The following EPB42 variants were observed in gnomAD, a reference collection of about 807,000 sequenced individuals.
EPB42 encodes erythrocyte membrane protein band 4.2, also known as protein 4.2.
EPB42 carries 49 observed loss-of-function variants against 76.9 expected under a neutral mutation model. The ratio of observed to expected loss-of-function variants is 0.64; its 90% CI spans 0.51 to 0.81. The LOEUF (loss-of-function observed/expected upper bound fraction) is 0.81. Among genes scored for constraint, EPB42 ranks in the 30% least tolerant of loss-of-function variants. The pLI is 0.00. For synonymous variants in EPB42, 310 were observed against 338.4 expected (o/e 0.92, Z 0.92); for missense variants, 731 against 867.6 (o/e 0.84, Z 1.98).
At position 43,203,025 on chromosome 15, in the gene EPB42, T is replaced by C. The variant is rs142973198; in HGVS notation, c.1779+90A>G. The C allele has an allele frequency of 9.1e-4, 1,362 of 1,491,812 alleles. 15 individuals are homozygous for C. The African/African-American group carries it at 0.016, about 17-fold the overall frequency. 92.4% of individuals were successfully genotyped at this position (1,491,812 alleles called of 1,614,324 possible). A position where few individuals can be genotyped will look rare whatever the true frequency, so the allele number is the denominator to read the frequency against. On this transcript the variant is annotated intron_variant, in intron 11 of 12. Coordinates refer to ENST00000441366, the MANE Select transcript of EPB42 (RefSeq NM_001114134.2). ...ATTTTCTGGTAATCTTGCAGCACAG[T>C]CATCTGCTCTGAAGGGGCCTGGATT...
chr15:43,220,656 C>G lies in EPB42; in HGVS notation c.10+160G>C, dbSNP rs1007771563. On this transcript the variant is annotated intron_variant, in intron 1 of 12. Coordinates refer to ENST00000441366, the MANE Select transcript of EPB42 (RefSeq NM_001114134.2). ...CCAGCACCCACCTACCACACCCCCC[C>G]CCCACAGCCACCTCATTATCACCAG... 7.4e-4 allele frequency: 767 copies of G among 1,038,038 alleles called. 56 individuals carry two copies. Among genetic ancestry groups the G allele is most frequent in the Non-Finnish European group, 8.2e-4 (582 of 707,018 alleles). The allele number at this position is 1,038,038 out of a possible 1,614,324, so 64.3% of individuals were successfully genotyped here.
chr15:43,220,410 C>T (rs2042439228), intron 1 of EPB42, among the ~76,000 whole-genome samples: 1 of 152,098 alleles, frequency 6.6e-6, no homozygotes, highest in Admixed American at 6.6e-5. Context: ...TCATTTGTAT[C>T]AGTAAGCTGT....
chr15:43,209,174 G>A (rs760854979), intron 6 of EPB42, 100 bp downstream of exon 6: 75 of 1,367,076 alleles, frequency 5.5e-5, no homozygotes, highest in Non-Finnish European at 6.7e-5. Flanking sequence ...AAATGCGGCC[G>A]CAGGGAGGCA....
chr15:43,204,893 C>A (rs970534093), intron 10 of EPB42, among the ~76,000 whole-genome samples: 1 of 151,668 alleles, frequency 6.6e-6, no homozygotes, highest in Non-Finnish European at 1.5e-5. Flanking sequence ...GCCCAGACAT[C>A]AGTATTTTTA....
chr15:43,208,819 G>T, intron 6 of EPB42, 44 bp from the exon 7 acceptor site: 1 of 1,600,738 alleles, frequency 6.2e-7, no homozygotes, highest in African/African-American at 1.3e-5. Context: ...TTGAGAGACC[G>T]GGCTGGGGGC....
intron 2 of EPB42, 58 bp from the exon 3 acceptor site, chr15:43,215,386 A>T: frequency 6.4e-7 from 1 of 1,560,712 alleles, no homozygotes; most frequent in Non-Finnish European, 8.8e-7. Flanking sequence ...ACTCAGAGTA[A>T]TAAGGTCAGG....
chr15:43,199,118 G>C (rs1269236528), intron 12 of EPB42, among the ~76,000 whole-genome samples: 1 of 152,254 alleles, frequency 6.6e-6, no homozygotes, highest in Non-Finnish European at 1.5e-5. Flanking sequence ...CCCCCACACA[G>C]AGTCCCTGCT....
chr15:43,220,665 C>CCA, intron 1 of EPB42, 151 bp downstream of exon 1: 1 of 1,143,318 alleles, frequency 8.7e-7, no homozygotes, highest in South Asian at 1.3e-5. Context: ...CCCCCACAGC[C>CCA]ACCTCATTAT....
chr15:43,213,275 C>T (rs1448075134), intron 3 of EPB42, among the ~76,000 whole-genome samples: 3 of 152,148 alleles, frequency 2.0e-5, no homozygotes, highest in Non-Finnish European at 4.4e-5. Flanking sequence ...AAGTGCCTGG[C>T]CTGTGAGCAG....
At chr15:43,212,846 C>A (rs577581318) in intron 3 of EPB42, among the ~76,000 whole-genome samples, 1 of 152,056 alleles carries the variant, frequency 6.6e-6, no homozygotes, top group Non-Finnish European at 1.5e-5. Flanking sequence ...ACCCAGTGGC[C>A]GAGGTGGAGT....
At position 43,208,485 on chromosome 15, in the gene EPB42, C is replaced by T. The variant is rs539154018; in HGVS notation, c.971+152G>A. ...TGGCACTCCCAGGAAGGGGCGTGCA[C>T]ACCATCACTGACCATCAGCGCCGCC... On this transcript the variant is annotated intron_variant, in intron 7 of 12. Coordinates refer to ENST00000441366, the MANE Select transcript of EPB42 (RefSeq NM_001114134.2). 15 of 1,421,206 alleles carry T rather than the reference C, an allele frequency of 1.1e-5. No homozygotes were observed. In the East Asian group the frequency reaches 3.2e-4, roughly 30 times the overall value. 88.0% of individuals were successfully genotyped at this position (1,421,206 alleles called of 1,614,324 possible).
chr15:43,197,930 T>C (rs1043379546), intron 12 of EPB42, among the ~76,000 whole-genome samples: 1 of 152,236 alleles, frequency 6.6e-6, no homozygotes, highest in African/African-American at 2.4e-5. Flanking sequence ...TCAGGAGACC[T>C]GATGGGCTTA....
intron 5 of EPB42, 163 bp from the exon 6 acceptor site, chr15:43,209,614 C>T: frequency 2.7e-6 from 2 of 750,996 alleles, no homozygotes; most frequent in South Asian, 3.8e-5. Context: ...TGGGCTCCAT[C>T]CTAGGCCCCT....
At chr15:43,218,916 A>G (rs528929430) in intron 1 of EPB42, among the ~76,000 whole-genome samples, 38 of 152,152 alleles carry the variant, frequency 2.5e-4, no homozygotes, top group African/African-American at 8.9e-4. Flanking sequence ...ACCACAGCCC[A>G]TGAGAAGTTG....
At chr15:43,223,713 C>T (rs879628557), upstream of EPB42, among the ~76,000 whole-genome samples, 14 of 152,116 alleles carry the variant, frequency 9.2e-5, no homozygotes, top group Non-Finnish European at 1.3e-4. Context: ...GGCGCGGTGG[C>T]TCATGCCTGT....
At chr15:43,225,572 C>T (rs1488364082), upstream of EPB42, among the ~76,000 whole-genome samples, 1 of 152,154 alleles carries the variant, frequency 6.6e-6, no homozygotes, top group East Asian at 1.9e-4. Context: ...TTAGGAACCG[C>T]GTTAGATACT....
chr15:43,198,103 A>C (rs1480268003), intron 12 of EPB42, among the ~76,000 whole-genome samples: 1 of 152,240 alleles, frequency 6.6e-6, no homozygotes, highest in Non-Finnish European at 1.5e-5. Context: ...CTTTATCAGC[A>C]GCGTGAAAAC....
rs181742668 is a variant in EPB42, at chr15:43,207,893, G to A, written c.1075+337C>T. Among the ~76,000 whole-genome samples, 129 of 152,204 alleles carry A rather than the reference G, an allele frequency of 8.5e-4. 1 individual carries two copies. Among genetic ancestry groups the A allele is most frequent in the African/African-American group, 2.8e-3 (118 of 41,516 alleles). ...GCCTATCCCGATGCCCTCTTCATCC[G>A]TGTCCAGAACCTCAGAACCTCTGCT... On this transcript the variant is annotated intron_variant, in intron 8 of 12. Coordinates refer to ENST00000441366, the MANE Select transcript of EPB42 (RefSeq NM_001114134.2).
chr15:43,208,207 C>G, intron 8 of EPB42, 23 bp downstream of exon 8: 1 of 1,610,020 alleles, frequency 6.2e-7, no homozygotes. Flanking sequence ...CTGCGTGGTC[C>G]TGGACCCACC....
Sources: allele counts gnomAD v4.1 joint callset (sites outside exome capture counted in the v4.1 genomes callset), GRCh38; gene constraint gnomAD v4.1.1; transcripts MANE v1.5; gene names NCBI Gene and HGNC (gene_info 2026-07-23, HGNC 2026-07-21).